Variants in ZNF507 observed in about 807,000 individuals in gnomAD.
ZNF507 encodes zinc finger protein 507.
In ZNF507, 29 loss-of-function variants were observed where a neutral mutation model predicts 80.0. That is an observed-to-expected ratio of 0.36 (90% CI 0.27 to 0.49). The LOEUF (loss-of-function observed/expected upper bound fraction) is 0.49, where lower values mean the gene tolerates loss of function less well. Ranked by LOEUF, ZNF507 falls within the 20% of genes least tolerant of loss-of-function variation. The probability of loss-of-function intolerance (pLI) is 0.98; values close to 1 mark genes in which losing one functional copy is unlikely to be tolerated. For synonymous variants in ZNF507, 462 were observed against 422.5 expected, an observed-to-expected ratio of 1.09 and a Z score of -1.15; for missense variants, 1,081 against 1,152.2, an observed-to-expected ratio of 0.94 and a Z score of 0.90.
intron 5 of ZNF507, chr19:32,382,203 AAAGT>A (rs1967632413): frequency 3.0e-6 from 1 of 331,366 alleles, no homozygotes; most frequent in Non-Finnish European, 5.4e-6. Flanking sequence ...TGTAATAACT[AAAGT>A]AATCTGGAAT....
chr19:32,356,807 G>A (rs779909558), intron 4 of ZNF507, 74 bp downstream of exon 4: 1 of 1,186,912 alleles, frequency 8.4e-7, no homozygotes, highest in Admixed American at 1.7e-5. Context: ...TGTCATGGTT[G>A]GTTATTTTCA....
chr19:32,385,381 A>G lies in ZNF507; in HGVS notation c.*2298A>G, dbSNP rs549307504. On this transcript the variant is annotated 3_prime_UTR_variant, in exon 7 of 7. Transcript: ENST00000355898. ...TCTCCTGGCCGATAGGAGGAAGCAT[A>G]TATCAAGGAGGTTCTTTCCCTTCCC... 3.3e-5 allele frequency: 5 copies of G among 152,332 alleles called. No homozygotes were observed. The highest frequency in any genetic ancestry group is 9.6e-5 in the African/African-American group (4 of 41,572). 9.4% of individuals were successfully genotyped at this position (152,332 alleles called of 1,614,324 possible). A position where few individuals can be genotyped will look rare whatever the true frequency, so the allele number is the denominator to read the frequency against.
chr19:32,364,415 A>G (rs1967369205), intron 5 of ZNF507, among the ~76,000 whole-genome samples: 1 of 152,000 alleles, frequency 6.6e-6, no homozygotes. Flanking sequence ...GTAATTTGTG[A>G]GAACCTGGTG....
intron 5 of ZNF507, among the ~76,000 whole-genome samples, chr19:32,378,486 G>A (rs1568309850): frequency 6.6e-6 from 1 of 152,130 alleles, no homozygotes; most frequent in African/African-American, 2.4e-5. Context: ...AGGGAAATCC[G>A]AATAAAGTGT....
At position 32,354,031 on chromosome 19, in the gene ZNF507, C is replaced by T. The variant is rs201011234; in HGVS notation, c.1201C>T (p.Arg401Ter). The change falls in exon 3 of 7, where the codon CGA (arginine) becomes TGA (stop). Residue 401 changes from arginine to a stop codon, truncating the protein, a stop_gained. Coordinates refer to ENST00000355898, the MANE Select transcript of ZNF507 (RefSeq NM_001136156.2). LOFTEE classifies it high-confidence loss of function. The stretch of plus-strand genomic sequence containing the variant: ...AGGGCATGTTAACGTGATAGTGGAG[C>T]GATTGCCAAGTGCTGAAGAAACCCT... ...KKGHVNVIVERLPSAEETLSQ... is the reference protein window; with the variant it reads ...KKGHVNVIVE 8 of 1,613,988 alleles carry T rather than the reference C, an allele frequency of 5.0e-6. No homozygotes were observed. In the Admixed American group the frequency reaches 5.0e-5, roughly 10 times the overall value.
chr19:32,348,794 C>CT (rs1449098444), intron 2 of ZNF507, among the ~76,000 whole-genome samples: 1 of 152,182 alleles, frequency 6.6e-6, no homozygotes, highest in Non-Finnish European at 1.5e-5. Context: ...TCCTGGTGAA[C>CT]TTTCCTATTC....
chr19:32,354,584 T>A lies in ZNF507; in HGVS notation c.1754T>A (p.Met585Lys), dbSNP rs756245588. ...GGGCAGGTTAAGACAGGCATCAGCA[T>A]GTCCTTACTCACCGTCATTGAAAAA... ...SDGQVKTGIS[M>K]SLLTVIEKLR... is the part of the protein sequence containing the mutation. The change falls in exon 3 of 7, where the codon ATG becomes AAG. Residue 585 changes from methionine (M) to lysine (K), a missense_variant. This residue lies in a region of ZNF507 where 614 missense variants were observed against 583.9 expected (regional missense o/e 1.05). Coordinates refer to ENST00000355898, the MANE Select transcript of ZNF507 (RefSeq NM_001136156.2). 15 of 1,614,180 alleles carry A rather than the reference T, an allele frequency of 9.3e-6. No individual in the cohort carries two copies. The South Asian group carries it at 1.5e-4, about 17-fold the overall frequency.
In ZNF507 at chr19:32,354,906, T is replaced by C; in HGVS notation, c.2076T>C (p.Cys692=). 6.2e-7 allele frequency: 1 copy of C among 1,614,052 alleles called. No homozygotes were observed. Residue 692 remains cysteine (C), a synonymous_variant, in exon 3 of 7, where the codon TGT becomes TGC. Transcript: ENST00000355898. ...TGGAGAGTCACATGATCCACCACTG[T>C]AAGACAAGAATATACCAGTGCAAGC... ...KDLESHMIHH[C]KTRIYQCKQC...
intron 5 of ZNF507, among the ~76,000 whole-genome samples, chr19:32,362,495 C>T (rs903723974): frequency 6.6e-6 from 1 of 152,174 alleles, no homozygotes; most frequent in Admixed American, 6.5e-5. Context: ...ACAAAACAGA[C>T]GTCATCTTTG....
Position 32,383,362 on chromosome 19 carries a change from T to C in ZNF507, c.*279T>C, listed in dbSNP as rs1967649221. On this transcript the variant is annotated 3_prime_UTR_variant, in exon 7 of 7. Transcript: ENST00000355898. ...TCTGTCACCCCTTCTTAGTGTCGAG[T>C]GTATTTATTAATAAAAGCTTATTAG... 2.9e-6 allele frequency: 1 copy of C among 347,436 alleles called. No homozygotes were observed. The highest frequency in any genetic ancestry group is 5.4e-6 in the Non-Finnish European group (1 of 186,866). 21.5% of individuals were successfully genotyped at this position (347,436 alleles called of 1,614,324 possible).
intron 5 of ZNF507, among the ~76,000 whole-genome samples, chr19:32,376,374 AT>A (rs1435602985): frequency 1.3e-5 from 2 of 152,188 alleles, no homozygotes; most frequent in Non-Finnish European, 2.9e-5. Flanking sequence ...TTGGTTTCTG[AT>A]ACCTTTCTCC....
In ZNF507 at chr19:32,386,545, A is replaced by T. The variant is rs968531006; in HGVS notation, c.*3462A>T. 6.6e-6 allele frequency: 1 copy of T among 152,664 alleles called. No individual in the cohort carries two copies. Among genetic ancestry groups the T allele is most frequent in the Non-Finnish European group, 1.5e-5 (1 of 68,042 alleles). The allele number at this position is 152,664 out of a possible 1,614,324, so 9.5% of individuals were successfully genotyped here. ...TTGCTTCTATAGCCAAAGTATAAAA[A>T]TTTCTGGAATACTGACATGTAAAGA... On this transcript the variant is annotated 3_prime_UTR_variant, in exon 7 of 7. Transcript: ENST00000355898.
chr19:32,349,398 C>A (rs1478215720), intron 2 of ZNF507, among the ~76,000 whole-genome samples: 1 of 152,166 alleles, frequency 6.6e-6, no homozygotes, highest in East Asian at 1.9e-4. Flanking sequence ...CATCTTACCT[C>A]TCCATGAAGC....
chr19:32,373,667 C>A (rs980987382), intron 5 of ZNF507, among the ~76,000 whole-genome samples: 8 of 152,252 alleles, frequency 5.3e-5, no homozygotes, highest in African/African-American at 1.7e-4. Flanking sequence ...CTGAGATCCT[C>A]TGGCTGCATA....
At chr19:32,360,048 G>T (rs1967301338) in intron 4 of ZNF507, among the ~76,000 whole-genome samples, 1 of 152,082 alleles carries the variant, frequency 6.6e-6, no homozygotes, top group South Asian at 2.1e-4. Flanking sequence ...TATTGAGTTG[G>T]TTATATATGC....
intron 5 of ZNF507, among the ~76,000 whole-genome samples, chr19:32,380,312 C>T (rs1042434927): frequency 6.6e-6 from 1 of 151,870 alleles, no homozygotes; most frequent in African/African-American, 2.4e-5. Context: ...GCCATGATTC[C>T]ACCACTGCAC....
Position 32,352,965 on chromosome 19 carries a change from C to G in ZNF507, c.135C>G (p.Ile45Met). Residue 45 changes from isoleucine to methionine, a missense_variant, in exon 3 of 7, where the codon ATC becomes ATG. Coordinates refer to ENST00000355898, the MANE Select transcript of ZNF507 (RefSeq NM_001136156.2). The part of the protein sequence containing the change: ...EQRKTKPDPL[I>M]HVIQKLSKIV... The stretch of plus-strand genomic sequence containing the variant: ...GAAAAACTAAACCAGATCCATTAAT[C>G]CATGTTATCCAGAAGTTAAGCAAGA... The G allele has an allele frequency of 6.2e-7, 1 of 1,614,090 alleles. No homozygotes were observed. The highest frequency in any genetic ancestry group is 8.5e-7 in the Non-Finnish European group (1 of 1,180,016).
chr19:32,348,896 G>A (rs1967128084), intron 2 of ZNF507, among the ~76,000 whole-genome samples: 1 of 152,206 alleles, frequency 6.6e-6, no homozygotes, highest in East Asian at 1.9e-4. Context: ...TCTGGTCACT[G>A]CTACCCTTGT....
chr19:32,345,813 C>G, intron 1 of ZNF507, 30 bp downstream of exon 1: 1 of 154,036 alleles, frequency 6.5e-6, no homozygotes, highest in South Asian at 1.9e-4. Context: ...CCCCTCCGCC[C>G]GCTGTTAGCG....
Sources: allele counts gnomAD v4.1 joint callset (sites outside exome capture counted in the v4.1 genomes callset), GRCh38; gene constraint gnomAD v4.1.1; regional missense constraint gnomAD v4.1.1; transcripts MANE v1.5; gene names NCBI Gene and HGNC (gene_info 2026-07-23, HGNC 2026-07-21).